The following MACROD2 variants were observed in gnomAD, a reference collection of about 807,000 sequenced individuals.
The protein encoded by MACROD2 is mono-ADP ribosylhydrolase 2.
A neutral mutation model predicts 70.4 loss-of-function variants in MACROD2; 36 were observed. That is an observed-to-expected ratio of 0.51 (90% CI 0.39 to 0.68). MACROD2 has a LOEUF of 0.68. Among genes scored for constraint, MACROD2 ranks in the 30% least tolerant of loss-of-function variants. The probability of loss-of-function intolerance (pLI) is 0.00; values close to 1 mark genes in which losing one functional copy is unlikely to be tolerated. For synonymous variants in MACROD2, 172 were observed against 178.8 expected (o/e 0.96, Z 0.30); for missense variants, 496 against 538.4 (o/e 0.92, Z 0.78).
intron 4 of MACROD2, among the ~76,000 whole-genome samples, chr20:14,550,408 G>A (rs1007311970): frequency 3.3e-5 from 5 of 151,932 alleles, no homozygotes; most frequent in East Asian, 1.9e-4. Flanking sequence ...AATACCCTAT[G>A]TGATTGTATT....
intron 4 of MACROD2, among the ~76,000 whole-genome samples, chr20:14,520,893 A>G (rs1160603965): frequency 6.6e-6 from 1 of 152,154 alleles, no homozygotes; most frequent in South Asian, 2.1e-4. Context: ...AATCTTAAAC[A>G]GGACATTAGC....
intron 3 of MACROD2, among the ~76,000 whole-genome samples, chr20:14,271,980 A>C (rs1286197961): frequency 1.3e-5 from 2 of 152,294 alleles, no homozygotes; most frequent in East Asian, 3.9e-4. Flanking sequence ...GCCTCCAAGA[A>C]ATATGGGACT....
chr20:15,963,596 A>C lies in MACROD2; in HGVS notation c.908-3957A>C, dbSNP rs151206945. Among the ~76,000 whole-genome samples the C allele has an allele frequency of 3.5e-3, 532 of 152,310 alleles. 3 individuals carry two copies. Among genetic ancestry groups the C allele is most frequent in the African/African-American group, 0.012 (494 of 41,592 alleles). ...GCCATCACTGATTAATTCATGGAGC[A>C]GGAATCAAGCTCAGTAGCTAATTCC... On this transcript the variant is annotated intron_variant, in intron 12 of 17. Transcript: ENST00000684519.
chr20:15,549,602 C>G (rs1437898512), intron 8 of MACROD2, among the ~76,000 whole-genome samples: 3 of 152,154 alleles, frequency 2.0e-5, no homozygotes, highest in Non-Finnish European at 4.4e-5. Flanking sequence ...TATTTTGACC[C>G]TTAAGTCTCA....
rs1220588111 is a variant in MACROD2 at position 14,971,442 on chromosome 20, G to A, written c.419-258498G>A. Among the ~76,000 whole-genome samples the A allele has an allele frequency of 2.7e-5, 4 of 147,420 alleles. No individual in the cohort carries two copies. The South Asian group carries it at 9.7e-4, about 36-fold the overall frequency. On this transcript the variant is annotated intron_variant, in intron 5 of 17. Coordinates refer to ENST00000684519, the MANE Select transcript of MACROD2 (RefSeq NM_001351661.2). ...AGCAGATTCCATTTGACATTAGTAG[G>A]TAAAGGGAGGGGGGGGACTCTGAAT...
At chr20:14,269,390 T>C (rs973965214) in intron 3 of MACROD2, among the ~76,000 whole-genome samples, 2 of 152,346 alleles carry the variant, frequency 1.3e-5, no homozygotes, top group African/African-American at 4.8e-5. Context: ...GCTGAAGTTT[T>C]ATTTGCTTTG....
chr20:14,079,550 A>G (rs1360431723), intron 2 of MACROD2, among the ~76,000 whole-genome samples: 3 of 152,194 alleles, frequency 2.0e-5, no homozygotes, highest in Non-Finnish European at 4.4e-5. Context: ...GAGATGAAAC[A>G]TATTTTCTTC....
intron 6 of MACROD2, among the ~76,000 whole-genome samples, chr20:15,287,281 T>A (rs1164281259): frequency 1.3e-5 from 2 of 152,210 alleles, no homozygotes; most frequent in Non-Finnish European, 2.9e-5. Flanking sequence ...CTTTGTCAAT[T>A]AACTTTTTTT....
At position 15,782,872 on chromosome 20, in the gene MACROD2, A is replaced by G. The variant is rs976433808; in HGVS notation, c.646-79873A>G. On this transcript the variant is annotated intron_variant, in intron 8 of 17. Coordinates refer to ENST00000684519, the MANE Select transcript of MACROD2 (RefSeq NM_001351661.2). ...CTCTAGCTCTATAAGCTTCCTTTCTATCTCACACAGAGTCTTTCCTATCTT... is the reference window on the plus strand; with the variant it reads ...CTCTAGCTCTATAAGCTTCCTTTCTGTCTCACACAGAGTCTTTCCTATCTT... 9.2e-5 allele frequency among the ~76,000 whole-genome samples: 14 copies of G among 152,036 alleles called. No individual in the cohort carries two copies. In the East Asian group the frequency reaches 1.5e-3, roughly 17 times the overall value.
chr20:15,132,893 T>G (rs2076117100), intron 5 of MACROD2, among the ~76,000 whole-genome samples: 5 of 152,056 alleles, frequency 3.3e-5, no homozygotes, highest in Admixed American at 3.3e-4. Context: ...CACCCATAGA[T>G]TTGCATATTT....
At chr20:15,761,816 A>C (rs555529555) in intron 8 of MACROD2, among the ~76,000 whole-genome samples, 11 of 152,346 alleles carry the variant, frequency 7.2e-5, no homozygotes, top group Admixed American at 2.6e-4. Flanking sequence ...ATGCCTGCCA[A>C]AGCAAAGCAA....
At chr20:14,788,124 T>C (rs768339294) in intron 5 of MACROD2, among the ~76,000 whole-genome samples, 1 of 152,068 alleles carries the variant, frequency 6.6e-6, no homozygotes, top group Non-Finnish European at 1.5e-5. Flanking sequence ...GATGTTCCAG[T>C]GCATATTAAG....
intron 4 of MACROD2, among the ~76,000 whole-genome samples, chr20:14,631,488 G>A (rs1374860744): frequency 6.6e-6 from 1 of 152,016 alleles, no homozygotes; most frequent in Non-Finnish European, 1.5e-5. Context: ...AAGAAAAACC[G>A]GGCCGGGCAC....
At chr20:15,438,654 A>G (rs999122990) in intron 7 of MACROD2, among the ~76,000 whole-genome samples, 2 of 152,110 alleles carry the variant, frequency 1.3e-5, no homozygotes, top group Non-Finnish European at 2.9e-5. Context: ...TGTCAGGACA[A>G]TTATCAACTG....
At chr20:14,875,543 A>G (rs1157062145) in intron 5 of MACROD2, among the ~76,000 whole-genome samples, 2 of 152,110 alleles carry the variant, frequency 1.3e-5, no homozygotes, top group East Asian at 3.9e-4. Context: ...ACATGGGCAT[A>G]TTGTGTGATG....
chr20:15,735,828 T>C (rs983892736), intron 8 of MACROD2, among the ~76,000 whole-genome samples: 3 of 152,194 alleles, frequency 2.0e-5, no homozygotes, highest in African/African-American at 7.2e-5. Context: ...AGAAAGTCAT[T>C]TTGACCCTCA....
At chr20:15,545,631 C>T (rs547751416) in intron 8 of MACROD2, among the ~76,000 whole-genome samples, 2 of 152,246 alleles carry the variant, frequency 1.3e-5, no homozygotes, top group African/African-American at 2.4e-5. Flanking sequence ...GTTTCATTGT[C>T]TTTTCTGAGA....
intron 5 of MACROD2, among the ~76,000 whole-genome samples, chr20:14,937,212 C>T (rs2074347799): frequency 6.6e-6 from 1 of 151,454 alleles, no homozygotes; most frequent in Non-Finnish European, 1.5e-5. Flanking sequence ...GTAGCGTAGG[C>T]CGAGATGGGA....
At chr20:15,021,117 T>TACACAC (rs201279561) in intron 5 of MACROD2, among the ~76,000 whole-genome samples, 9 of 118,930 alleles carry the variant, frequency 7.6e-5, no homozygotes, top group Non-Finnish European at 1.4e-4. Context: ...TGTATGTGTA[T>TACACAC]ACACGTGTGT....
Sources: allele counts gnomAD v4.1 joint callset (sites outside exome capture counted in the v4.1 genomes callset), GRCh38; gene constraint gnomAD v4.1.1; transcripts MANE v1.5; gene names NCBI Gene and HGNC (gene_info 2026-07-23, HGNC 2026-07-21).